The following ZNF469 variants were observed in gnomAD, a reference collection of about 807,000 sequenced individuals.
The protein encoded by ZNF469 is zinc finger protein 469.
A neutral mutation model predicts 1.0 loss-of-function variants in ZNF469; 1 was observed. The ratio of observed to expected loss-of-function variants is 1.00; its 90% CI spans 0.35 to 4.73. The LOEUF (loss-of-function observed/expected upper bound fraction) is 4.73, where lower values mean the gene tolerates loss of function less well. Among genes scored for constraint, ZNF469 ranks in the 30% most tolerant of loss-of-function variants. The pLI is 0.16. For missense variants in ZNF469, 6,100 were observed against 5,356.3 expected (o/e 1.14, Z -4.33); for synonymous variants, 2,703 against 2,363.4 (o/e 1.14, Z -4.17).
the ZNF469 span, among the ~76,000 whole-genome samples, chr16:88,187,735 A>G: frequency 1.6e-5 from 1 of 63,416 alleles, no homozygotes; most frequent in Non-Finnish European, 3.7e-5. Flanking sequence ...TTTTTTTTTT[A>G]CATCTGTGAA....
chr16:88,393,334 C>T (rs972460489), intron 1 of ZNF469, among the ~76,000 whole-genome samples: 2 of 152,258 alleles, frequency 1.3e-5, no homozygotes, highest in Admixed American at 6.5e-5. Context: ...GCTGAGCGCT[C>T]AGGGCCTGCC....
the ZNF469 span, among the ~76,000 whole-genome samples, chr16:88,114,687 C>G: frequency 2.0e-5 from 3 of 152,328 alleles, no homozygotes; most frequent in East Asian, 3.9e-4. Context: ...TCTCTGCAGC[C>G]TGGTGAAGGC....
At chr16:88,256,120 G>C in the ZNF469 span, among the ~76,000 whole-genome samples, 5 of 152,096 alleles carry the variant, frequency 3.3e-5, no homozygotes, top group Admixed American at 1.3e-4. Flanking sequence ...CTGTGGGTTT[G>C]GAAAAATTTC....
In ZNF469 at chr16:88,429,297, G is replaced by A. The variant is rs148616993; in HGVS notation, c.1827G>A (p.Ser609=). ...CCGGCAGCACCTGCTCTTCCCTGTC[G>A]CCGATGTCCAGCAGCCCAGCCAACC... ...NTAGSTCSSL[S]PMSSSPANPS... is the part of the protein sequence containing the mutation. Residue 609 remains serine, a synonymous_variant, in exon 3 of 3, where the codon TCG becomes TCA. Transcript: ENST00000565624. The A allele has an allele frequency of 0.024, 37,337 of 1,549,808 alleles. 559 individuals are homozygous for A. Among genetic ancestry groups the A allele is most frequent in the Non-Finnish European group, 0.027 (31,051 of 1,146,828 alleles).
the ZNF469 span, among the ~76,000 whole-genome samples, chr16:88,120,989 G>C: frequency 4.6e-5 from 7 of 152,170 alleles, no homozygotes; most frequent in Middle Eastern, 3.4e-3. Context: ...CCATAGGTGT[G>C]GGGTGTTTTG....
At chr16:88,297,909 A>G in the ZNF469 span, among the ~76,000 whole-genome samples, 100,217 of 152,006 alleles carry the variant, frequency 0.66, 33,341 homozygotes, top group East Asian at 0.93. Flanking sequence ...TGTCCCCAGG[A>G]GTCCCTGGGA....
rs900765154 is a variant in ZNF469 at position 88,383,114 on chromosome 16, G to C, written c.-332G>C. Among the ~76,000 whole-genome samples, 3 of 149,582 alleles carry C rather than the reference G, an allele frequency of 2.0e-5. No homozygotes were observed. Among genetic ancestry groups the C allele is most frequent in the Non-Finnish European group, 3.0e-5 (2 of 66,970 alleles). ...GGCGCAGCGCGCGGCAGAGCGGCTCGGTGCCCGGCGGGCGGGCGGCCCGGG... is the reference window on the plus strand; with the variant it reads ...GGCGCAGCGCGCGGCAGAGCGGCTCCGTGCCCGGCGGGCGGGCGGCCCGGG... On this transcript the variant is annotated 5_prime_UTR_variant, in exon 1 of 3. Coordinates refer to ENST00000565624, the MANE Select transcript of ZNF469 (RefSeq NM_001367624.2).
the ZNF469 span, among the ~76,000 whole-genome samples, chr16:88,374,995 A>T: frequency 6.6e-6 from 1 of 152,236 alleles, no homozygotes; most frequent in African/African-American, 2.4e-5. Flanking sequence ...CCCCAGCTGC[A>T]TTTGCAGAAA....
the ZNF469 span, among the ~76,000 whole-genome samples, chr16:88,132,789 T>C: frequency 2.0e-5 from 3 of 152,188 alleles, no homozygotes; most frequent in African/African-American, 7.2e-5. Context: ...AGCCCACGCT[T>C]CCTCTTTAGT....
the ZNF469 span, among the ~76,000 whole-genome samples, chr16:88,258,533 T>A: frequency 1.3e-5 from 2 of 151,448 alleles, no homozygotes; most frequent in Non-Finnish European, 2.9e-5. Flanking sequence ...TTATTGAGGG[T>A]TCTGGGCTAG....
At chr16:88,221,300 C>T in the ZNF469 span, among the ~76,000 whole-genome samples, 7 of 152,238 alleles carry the variant, frequency 4.6e-5, no homozygotes, top group African/African-American at 7.2e-5. Context: ...TTCCCACGGC[C>T]GTGAGGGCTC....
rs1567515333 is a variant in ZNF469 at position 88,435,628 on chromosome 16, G to A, written c.8158G>A (p.Gly2720Arg). The change falls in exon 3 of 3, where the codon GGG becomes AGG. Residue 2720 changes from glycine to arginine, a missense_variant. Transcript: ENST00000565624. ...DQEALCAGET[G>R]AQKPPGDRML... ...GGAGGCTCTGTGTGCAGGGGAGACT[G>A]GGGCCCAGAAGCCACCTGGAGATCG... 1.3e-5 allele frequency: 20 copies of A among 1,550,436 alleles called. No homozygotes were observed. Among genetic ancestry groups the A allele is most frequent in the Non-Finnish European group, 1.5e-5 (17 of 1,146,996 alleles).
At chr16:88,395,083 A>T (rs1904616174) in intron 1 of ZNF469, among the ~76,000 whole-genome samples, 1 of 152,242 alleles carries the variant, frequency 6.6e-6, no homozygotes. Context: ...AATCAGCCCC[A>T]GGGACCCTTC....
At chr16:88,132,442 G>T in the ZNF469 span, among the ~76,000 whole-genome samples, 1 of 152,216 alleles carries the variant, frequency 6.6e-6, no homozygotes, top group Non-Finnish European at 1.5e-5. Flanking sequence ...CTGGATCTGT[G>T]ACTGGCCCCA....
chr16:88,372,095 C>CCGT, the ZNF469 span, among the ~76,000 whole-genome samples: 135 of 93,740 alleles, frequency 1.4e-3, no homozygotes, highest in Non-Finnish European at 1.8e-3. Context: ...ATCACCATCA[C>CCGT]CACCATCATC....
the ZNF469 span, among the ~76,000 whole-genome samples, chr16:88,141,398 C>A: frequency 0.018 from 2,650 of 144,546 alleles, 33 homozygotes; most frequent in African/African-American, 0.07. Flanking sequence ...CCGGAGCCTG[C>A]TATGAAATGC....
chr16:88,306,281 G>A, the ZNF469 span, among the ~76,000 whole-genome samples: 5 of 152,376 alleles, frequency 3.3e-5, no homozygotes, highest in East Asian at 9.6e-4. Flanking sequence ...CTGCATGGCA[G>A]GTGCTGTCCG....
the ZNF469 span, among the ~76,000 whole-genome samples, chr16:88,374,488 G>A: frequency 5.9e-5 from 9 of 152,220 alleles, no homozygotes; most frequent in Non-Finnish European, 1.5e-5. Flanking sequence ...TGGGGGCCCC[G>A]ACAGGGAAAG....
chr16:88,250,917 C>T, the ZNF469 span, among the ~76,000 whole-genome samples: 1 of 152,046 alleles, frequency 6.6e-6, no homozygotes, highest in African/African-American at 2.4e-5. Flanking sequence ...TTGCTCTGTC[C>T]CACAGGCTGG....
Sources: allele counts gnomAD v4.1 joint callset (sites outside exome capture counted in the v4.1 genomes callset), GRCh38; gene constraint gnomAD v4.1.1; transcripts MANE v1.5; gene names NCBI Gene and HGNC (gene_info 2026-07-23, HGNC 2026-07-21).